The following MYO3B variants were observed in gnomAD, a reference collection of about 807,000 sequenced individuals.
MYO3B encodes myosin-IIIb.
A neutral mutation model predicts 174.6 loss-of-function variants in MYO3B; 156 were observed. The observed-to-expected ratio is 0.89, with a 90% CI of 0.78 to 1.02. The LOEUF is 1.02. MYO3B is among the 50% of genes least tolerant of loss of function. The pLI is 0.00. For missense variants in MYO3B, 1,632 were observed against 1,639.4 expected (o/e 1.00, Z 0.08); for synonymous variants, 563 against 569.1 (o/e 0.99, Z 0.15).
intron 32 of MYO3B, among the ~76,000 whole-genome samples, chr2:170,606,750 G>A (rs1489848393): frequency 6.6e-6 from 1 of 152,190 alleles, no homozygotes; most frequent in African/African-American, 2.4e-5. Context: ...GCCGGGCACG[G>A]TGGCTCACAC....
chr2:170,242,969 G>C (rs2093150773), intron 7 of MYO3B, among the ~76,000 whole-genome samples: 1 of 152,176 alleles, frequency 6.6e-6, no homozygotes, highest in African/African-American at 2.4e-5. Flanking sequence ...GGTAGGGGCA[G>C]GGGTAAGACA....
At chr2:170,416,159 C>T (rs1026392523) in intron 22 of MYO3B, among the ~76,000 whole-genome samples, 14 of 151,926 alleles carry the variant, frequency 9.2e-5, no homozygotes, top group Admixed American at 2.6e-4. Flanking sequence ...TCTGCAGCAT[C>T]GCTCACCTGA....
At chr2:170,487,295 T>A (rs957092674) in intron 25 of MYO3B, among the ~76,000 whole-genome samples, 3 of 152,232 alleles carry the variant, frequency 2.0e-5, no homozygotes, top group Non-Finnish European at 4.4e-5. Flanking sequence ...CCACACTGAT[T>A]TTTTATTCTT....
chr2:170,649,335 ATT>A (rs1698793869), intron 32 of MYO3B, among the ~76,000 whole-genome samples: 2 of 93,666 alleles, frequency 2.1e-5, no homozygotes, highest in Non-Finnish European at 3.8e-5. Context: ...TATAATATAT[ATT>A]ATATATAAAA....
chr2:170,187,644 C>G (rs1369882357), intron 1 of MYO3B, among the ~76,000 whole-genome samples: 1 of 152,242 alleles, frequency 6.6e-6, no homozygotes, highest in South Asian at 2.1e-4. Flanking sequence ...TTCACTGTAT[C>G]GTGTAGGTTT....
Position 170,235,977 on chromosome 2 carries a change from C to T in MYO3B, c.604-14C>T. On this transcript the variant is annotated splice_polypyrimidine_tract_variant and intron_variant, in intron 6 of 34. Transcript: ENST00000408978. Reference sequence around the variant, plus strand: ...AGTAGGGTTGATGTGTCATGTCCTGCTTTTGTCCAATAGGTCATTGCCTGT... The same window carrying T: ...AGTAGGGTTGATGTGTCATGTCCTGTTTTTGTCCAATAGGTCATTGCCTGT... 1 of 1,613,790 alleles carries T rather than the reference C, an allele frequency of 6.2e-7. No individual in the cohort carries two copies. The highest frequency in any genetic ancestry group is 8.5e-7 in the Non-Finnish European group (1 of 1,179,988).
At chr2:170,387,633 G>A (rs1216173786) in intron 14 of MYO3B, among the ~76,000 whole-genome samples, 1 of 152,074 alleles carries the variant, frequency 6.6e-6, no homozygotes. Context: ...GGTTAAAAAA[G>A]AAAAAGACAC....
chr2:170,350,885 A>G (rs2105598180), intron 8 of MYO3B: 1 of 152,272 alleles, frequency 6.6e-6, no homozygotes, highest in Non-Finnish European at 1.5e-5. Context: ...TTGCCTTTAG[A>G]TGTTTCCGTG....
intron 30 of MYO3B, among the ~76,000 whole-genome samples, chr2:170,540,940 T>C (rs1690058939): frequency 6.6e-6 from 1 of 152,206 alleles, no homozygotes; most frequent in East Asian, 1.9e-4. Flanking sequence ...ACCTGGCTTG[T>C]AGGCTAATCT....
chr2:170,452,566 A>T (rs1006050869), intron 23 of MYO3B, among the ~76,000 whole-genome samples: 1 of 152,176 alleles, frequency 6.6e-6, no homozygotes, highest in Non-Finnish European at 1.5e-5. Flanking sequence ...TTTGTTTTTT[A>T]AAAAAACTTT....
chr2:170,253,277 AT>A (rs1176209788), intron 7 of MYO3B, among the ~76,000 whole-genome samples: 3 of 152,166 alleles, frequency 2.0e-5, no homozygotes, highest in Admixed American at 1.3e-4. Context: ...AGGATTGCTT[AT>A]GGATTTGATG....
chr2:170,547,127 G>C (rs376725134), intron 32 of MYO3B, among the ~76,000 whole-genome samples: 1 of 150,014 alleles, frequency 6.7e-6, no homozygotes, highest in African/African-American at 2.5e-5. Flanking sequence ...AGACCATCCT[G>C]GCTAACACAG....
rs1023473434 is a variant in MYO3B, at chr2:170,631,022, T to C, written c.3734-20606T>C. Among the ~76,000 whole-genome samples the C allele has an allele frequency of 8.5e-5, 13 of 152,198 alleles. No individual in the cohort carries two copies. In the South Asian group the frequency reaches 1.2e-3, roughly 15 times the overall value. On this transcript the variant is annotated intron_variant, in intron 32 of 34. Transcript: ENST00000408978. Reference sequence around the variant, plus strand: ...TCTCCTCCAAAGGAACGCAGCTCCTTGCCAGCAACAGAACAAAGCTGGACG... The same window carrying C: ...TCTCCTCCAAAGGAACGCAGCTCCTCGCCAGCAACAGAACAAAGCTGGACG...
chr2:170,531,521 T>A (rs1302437724), intron 30 of MYO3B, among the ~76,000 whole-genome samples: 1 of 152,176 alleles, frequency 6.6e-6, no homozygotes, highest in Non-Finnish European at 1.5e-5. Flanking sequence ...GAAAGTTAAA[T>A]GAGGTAACAT....
intron 32 of MYO3B, among the ~76,000 whole-genome samples, chr2:170,622,941 A>G (rs879324330): frequency 1.3e-5 from 2 of 152,150 alleles, no homozygotes; most frequent in Non-Finnish European, 2.9e-5. Context: ...CATGGTGTAT[A>G]TATGCCACAT....
intron 32 of MYO3B, among the ~76,000 whole-genome samples, chr2:170,551,097 A>G (rs1219920342): frequency 6.6e-6 from 1 of 151,532 alleles, no homozygotes; most frequent in Non-Finnish European, 1.5e-5. Flanking sequence ...ACAGGATTTC[A>G]CTATGCTGCC....
intron 22 of MYO3B, among the ~76,000 whole-genome samples, chr2:170,426,217 T>C (rs765856434): frequency 2.6e-5 from 4 of 151,866 alleles, no homozygotes; most frequent in Admixed American, 6.5e-5. Flanking sequence ...CTCATGCCTG[T>C]AATCACAGCT....
At chr2:170,389,034 A>C (rs987362010) in intron 14 of MYO3B, among the ~76,000 whole-genome samples, 3 of 152,210 alleles carry the variant, frequency 2.0e-5, no homozygotes, top group Admixed American at 1.3e-4. Flanking sequence ...TCTGTGTTCA[A>C]ATGTAAAGTG....
rs546995452 is a variant in MYO3B at position 170,443,811 on chromosome 2, A to G, written c.2651-156A>G. Among the ~76,000 whole-genome samples the G allele has an allele frequency of 4.0e-5, 6 of 151,880 alleles. No homozygotes were observed. In the South Asian group the frequency reaches 1.0e-3, roughly 26 times the overall value. On this transcript the variant is annotated intron_variant, in intron 22 of 34. Transcript: ENST00000408978. ...AAATAATTATTATAATTTATAATTT[A>G]TATCATCAAAGTGTCAAAATTTTCC...
Sources: allele counts gnomAD v4.1 joint callset (sites outside exome capture counted in the v4.1 genomes callset), GRCh38; gene constraint gnomAD v4.1.1; transcripts MANE v1.5; gene names NCBI Gene and HGNC (gene_info 2026-07-23, HGNC 2026-07-21).